RAP1GAP2: variants seen among roughly 807,000 people sequenced by gnomAD.
The protein encoded by RAP1GAP2 is rap1 GTPase-activating protein 2.
In RAP1GAP2, 27 loss-of-function variants were observed where a neutral mutation model predicts 95.0. The ratio of observed to expected loss-of-function variants is 0.28; its 90% confidence interval spans 0.21 to 0.39. The LOEUF (loss-of-function observed/expected upper bound fraction) is 0.39. Ranked by LOEUF, RAP1GAP2 falls within the 10% of genes least tolerant of loss-of-function variation. The pLI, the probability that RAP1GAP2 is intolerant of heterozygous loss-of-function variation, is 1.00. For missense variants in RAP1GAP2, 771 were observed against 970.0 expected, an observed-to-expected ratio of 0.79 and a Z score of 2.72; for synonymous variants, 373 against 380.9, an observed-to-expected ratio of 0.98 and a Z score of 0.24.
At chr17:3,006,754 C>CCTA (rs1162101983) in intron 16 of RAP1GAP2, among the ~76,000 whole-genome samples, 3 of 152,204 alleles carry the variant, frequency 2.0e-5, no homozygotes, top group African/African-American at 7.2e-5. Context: ...TTTTAAAGCA[C>CCTA]CTACTATGTG....
At chr17:2,888,458 C>T (rs942578441) in intron 2 of RAP1GAP2, among the ~76,000 whole-genome samples, 1 of 152,156 alleles carries the variant, frequency 6.6e-6, no homozygotes, top group African/African-American at 2.4e-5. Context: ...CACTATTCTG[C>T]TTTCTACTTC....
Position 2,924,196 on chromosome 17 carries a change from G to A in RAP1GAP2, c.165+18828G>A, listed in dbSNP as rs2042880624. Among the ~76,000 whole-genome samples, 3 of 152,206 alleles carry A rather than the reference G, an allele frequency of 2.0e-5. No individual in the cohort carries two copies. The South Asian group carries it at 6.2e-4, about 32-fold the overall frequency. The stretch of plus-strand genomic sequence containing the variant: ...CAGGTGATTTTGGAGGAGAGAGGGT[G>A]CAGTCTGGGAACTTTGAGAGTGCTC... On this transcript the variant is annotated intron_variant, in intron 3 of 24. Transcript: ENST00000254695.
At chr17:2,773,168 C>T (rs955836750), upstream of RAP1GAP2, among the ~76,000 whole-genome samples, 2 of 152,044 alleles carry the variant, frequency 1.3e-5, no homozygotes, top group Non-Finnish European at 2.9e-5. Context: ...GTGGTGTCCG[C>T]AAACTATAGA....
intron 2 of RAP1GAP2, among the ~76,000 whole-genome samples, chr17:2,844,428 T>C (rs1228164228): frequency 6.6e-6 from 1 of 152,158 alleles, no homozygotes; most frequent in Non-Finnish European, 1.5e-5. Flanking sequence ...GAAAGAGCTT[T>C]GATTACAACA....
intron 2 of RAP1GAP2, among the ~76,000 whole-genome samples, chr17:2,771,590 G>T (rs1364068228): frequency 6.7e-6 from 1 of 149,468 alleles, no homozygotes; most frequent in Non-Finnish European, 1.5e-5. Flanking sequence ...GCCTCCTGGA[G>T]GCGATTCTCC....
chr17:2,845,641 T>C (rs2071552260), intron 2 of RAP1GAP2, among the ~76,000 whole-genome samples: 1 of 151,458 alleles, frequency 6.6e-6, no homozygotes, highest in African/African-American at 2.4e-5. Context: ...GGCGGGCGGA[T>C]CATGAGGTCA....
At chr17:2,966,392 T>C (rs2044601367) in intron 8 of RAP1GAP2, among the ~76,000 whole-genome samples, 1 of 152,230 alleles carries the variant, frequency 6.6e-6, no homozygotes, top group Non-Finnish European at 1.5e-5. Context: ...GTGTCTTATT[T>C]ATCTCTGTCC....
At chr17:2,901,466 C>T (rs893610863) in intron 2 of RAP1GAP2, among the ~76,000 whole-genome samples, 4 of 152,202 alleles carry the variant, frequency 2.6e-5, no homozygotes, top group Non-Finnish European at 2.9e-5. Context: ...GGCCCCGCGT[C>T]GTTAGAGTTG....
chr17:2,927,230 T>C (rs1314104432), intron 3 of RAP1GAP2, among the ~76,000 whole-genome samples: 1 of 150,740 alleles, frequency 6.6e-6, no homozygotes, highest in Non-Finnish European at 1.5e-5. Context: ...CTCGGCTCAC[T>C]GCAAGCTCCG....
Position 2,901,125 on chromosome 17 carries a change from C to A in RAP1GAP2, c.81-4159C>A, listed in dbSNP as rs542658347. On this transcript the variant is annotated intron_variant, in intron 2 of 24. Transcript: ENST00000254695. The stretch of plus-strand genomic sequence containing the variant: ...CCTCCAGAGATTTGCATTTGGCCAA[C>A]GCTGGCTAGGACGCGTCCTGGTCTC... Among the ~76,000 whole-genome samples the A allele has an allele frequency of 5.9e-5, 9 of 152,306 alleles. No homozygotes were observed. The South Asian group carries it at 1.9e-3, about 32-fold the overall frequency.
intron 1 of RAP1GAP2, among the ~76,000 whole-genome samples, chr17:2,764,743 AAAAAT>A (rs756047290): frequency 5.3e-5 from 8 of 152,182 alleles, no homozygotes; most frequent in Non-Finnish European, 1.0e-4. Flanking sequence ...ATAAAAAAAT[AAAAAT>A]AAAAACAGAG....
chr17:2,907,956 G>A (rs1034820996), intron 3 of RAP1GAP2, among the ~76,000 whole-genome samples: 1 of 152,112 alleles, frequency 6.6e-6, no homozygotes, highest in East Asian at 1.9e-4. Flanking sequence ...ACAGGTGCGT[G>A]CCACCACGCC....
chr17:2,902,672 G>T lies in RAP1GAP2; in HGVS notation c.81-2612G>T, dbSNP rs953682192. On this transcript the variant is annotated intron_variant, in intron 2 of 24. Coordinates refer to ENST00000254695, the MANE Select transcript of RAP1GAP2 (RefSeq NM_015085.5). This position sits in a 1 kb window ranked among gnomAD's most constrained non-coding sequence, Gnocchi z 4.1. ...CCTTCCAAGCTCCCAGGCATCATTT[G>T]GGAAATCCTTCTGGTCAGAAGCTGC... Among the ~76,000 whole-genome samples the T allele has an allele frequency of 1.3e-5, 2 of 152,164 alleles. No individual in the cohort carries two copies. The highest frequency in any genetic ancestry group is 2.9e-5 in the Non-Finnish European group (2 of 68,022).
In RAP1GAP2 at chr17:3,032,645, G is replaced by T. The variant is rs1279345612; in HGVS notation, c.*30+196G>T. Among the ~76,000 whole-genome samples, 1 of 152,204 alleles carries T rather than the reference G, an allele frequency of 6.6e-6. No individual in the cohort carries two copies. Among genetic ancestry groups the T allele is most frequent in the Non-Finnish European group, 1.5e-5 (1 of 68,034 alleles). On this transcript the variant is annotated intron_variant, in intron 24 of 24. Transcript: ENST00000254695. ...AGATGGCCTGTGTGCGGATGGGAAGGGGGTTCCCAGTGACACTGGACTAGA... is the reference window on the plus strand; with the variant it reads ...AGATGGCCTGTGTGCGGATGGGAAGTGGGTTCCCAGTGACACTGGACTAGA...
At chr17:2,937,676 G>C (rs1424332429) in intron 3 of RAP1GAP2, among the ~76,000 whole-genome samples, 1 of 152,214 alleles carries the variant, frequency 6.6e-6, no homozygotes, top group Non-Finnish European at 1.5e-5. Flanking sequence ...CTCCAAGATA[G>C]TCTTTTATGT....
intron 2 of RAP1GAP2, among the ~76,000 whole-genome samples, chr17:2,817,827 T>A (rs1422989474): frequency 8.4e-6 from 1 of 118,884 alleles, no homozygotes; most frequent in East Asian, 2.3e-4. Flanking sequence ...GGCCTCTATG[T>A]TTAATTGTTT....
rs767917579 is a variant in RAP1GAP2 at position 2,800,560 on chromosome 17, A to T, written c.80+10A>T. Reference sequence around the variant, plus strand: ...CAAGTCTGAAGGTCAAGTAAGTAGCAATTTCCTGTTCTGTAAAGGTCAGAG... The same window carrying T: ...CAAGTCTGAAGGTCAAGTAAGTAGCTATTTCCTGTTCTGTAAAGGTCAGAG... On this transcript the variant is annotated intron_variant, in intron 2 of 24. Transcript: ENST00000254695. 5.0e-6 allele frequency: 8 copies of T among 1,611,990 alleles called. No individual in the cohort carries two copies. In the South Asian group the frequency reaches 7.7e-5, roughly 16 times the overall value.
At chr17:2,765,968 CCAAA>C (rs920421300) in intron 1 of RAP1GAP2, among the ~76,000 whole-genome samples, 13 of 151,926 alleles carry the variant, frequency 8.6e-5, no homozygotes, top group Admixed American at 2.0e-4. Context: ...GAACCTGTCT[CCAAA>C]CAAACAAACA....
chr17:2,766,532 C>T (rs1215840298), intron 1 of RAP1GAP2, among the ~76,000 whole-genome samples: 1 of 151,962 alleles, frequency 6.6e-6, no homozygotes, highest in Non-Finnish European at 1.5e-5. Flanking sequence ...ATTGCTTGAA[C>T]CCAGGAGGTG....
Sources: allele counts gnomAD v4.1 joint callset (sites outside exome capture counted in the v4.1 genomes callset), GRCh38; gene constraint gnomAD v4.1.1; non-coding constraint Gnocchi (gnomAD v3.1); transcripts MANE v1.5; gene names NCBI Gene and HGNC (gene_info 2026-07-23, HGNC 2026-07-21).